Variants in PRKD1 observed in about 807,000 individuals in gnomAD.
The protein encoded by PRKD1 is protein kinase D1, also known as serine/threonine-protein kinase D1.
Under a neutral mutation model 95.9 loss-of-function variants are expected in PRKD1, and 63 were observed. That is an observed-to-expected ratio of 0.66 (90% CI 0.54 to 0.81). PRKD1 has a LOEUF of 0.81. PRKD1 is among the 30% of genes least tolerant of loss of function. The pLI is 0.00. For missense variants in PRKD1, 1,048 were observed against 1,165.3 expected, an observed-to-expected ratio of 0.90 and a Z score of 1.47; for synonymous variants, 425 against 423.1, an observed-to-expected ratio of 1.00 and a Z score of -0.05.
intron 1 of PRKD1, among the ~76,000 whole-genome samples, chr14:29,777,287 A>G (rs1040794538): frequency 1.1e-4 from 17 of 152,206 alleles, no homozygotes; most frequent in Non-Finnish European, 2.9e-5. Flanking sequence ...AAATTCACAC[A>G]TAACAGTATT....
At chr14:29,672,976 T>C (rs1001263164) in intron 2 of PRKD1, among the ~76,000 whole-genome samples, 1 of 152,166 alleles carries the variant, frequency 6.6e-6, no homozygotes, top group African/African-American at 2.4e-5. Flanking sequence ...GCTAAAGCCT[T>C]GCTCAAGAAA....
At chr14:29,634,393 G>T in intron 8 of PRKD1, 25 bp downstream of exon 8, 3 of 1,613,762 alleles carry the variant, frequency 1.9e-6, no homozygotes, top group Non-Finnish European at 2.5e-6. Flanking sequence ...CAAGGCAAGA[G>T]AACATTGTTC....
At chr14:29,622,367 C>CCCTTCCTGCCTT (rs1879327305) in intron 13 of PRKD1, among the ~76,000 whole-genome samples, 1 of 144,866 alleles carries the variant, frequency 6.9e-6, no homozygotes, top group Non-Finnish European at 1.5e-5. Context: ...GTATTTTTCT[C>CCCTTCCTGCCTT]CCTTCCTTCC....
At chr14:29,806,211 A>C (rs2139230846) in intron 1 of PRKD1, among the ~76,000 whole-genome samples, 1 of 152,376 alleles carries the variant, frequency 6.6e-6, no homozygotes, top group African/African-American at 2.4e-5. Flanking sequence ...TATGCAATTT[A>C]CAGATTAACT....
intron 2 of PRKD1, among the ~76,000 whole-genome samples, chr14:29,689,325 G>A (rs977579440): frequency 3.3e-5 from 5 of 151,600 alleles, no homozygotes; most frequent in African/African-American, 1.2e-4. Flanking sequence ...CTCAAAAGAA[G>A]ACATTCAGGC....
chr14:29,591,663 G>A, intron 16 of PRKD1, among the ~76,000 whole-genome samples: 1 of 152,132 alleles, frequency 6.6e-6, no homozygotes, highest in East Asian at 1.9e-4. Flanking sequence ...TTATCAAAGA[G>A]GCTCTTTGGC....
chr14:29,799,576 A>C (rs1889945185), intron 1 of PRKD1, among the ~76,000 whole-genome samples: 1 of 152,234 alleles, frequency 6.6e-6, no homozygotes. Context: ...TTCAGAAGCC[A>C]AACACTGTCC....
At chr14:29,668,008 C>T (rs1478756471) in intron 2 of PRKD1, among the ~76,000 whole-genome samples, 5 of 151,284 alleles carry the variant, frequency 3.3e-5, no homozygotes, top group East Asian at 1.9e-4. Flanking sequence ...TGTTTAAATG[C>T]CATATTTCTA....
intron 2 of PRKD1, among the ~76,000 whole-genome samples, chr14:29,712,379 T>A (rs2139359375): frequency 6.6e-6 from 1 of 152,178 alleles, no homozygotes; most frequent in Middle Eastern, 3.4e-3. Context: ...CTCAAGAAAC[T>A]TCTGAGGAAA....
At chr14:29,807,743 CAG>C (rs1264641266) in intron 1 of PRKD1, among the ~76,000 whole-genome samples, 4 of 150,310 alleles carry the variant, frequency 2.7e-5, no homozygotes, top group Non-Finnish European at 5.9e-5. Context: ...TTTTTTGAGA[CAG>C]AGTCTTGCTC....
At chr14:29,902,662 A>G (rs1894357404) in intron 1 of PRKD1, among the ~76,000 whole-genome samples, 1 of 152,214 alleles carries the variant, frequency 6.6e-6, no homozygotes, top group African/African-American at 2.4e-5. Flanking sequence ...AAATAAGTCT[A>G]AGTAATTCAA....
chr14:29,700,984 GCGCGCA>G (rs1884808440), intron 2 of PRKD1, among the ~76,000 whole-genome samples: 1 of 52,930 alleles, frequency 1.9e-5, no homozygotes, highest in East Asian at 4.3e-4. Context: ...ATGCGCGCGC[GCGCGCA>G]CACACACACA....
At chr14:29,618,941 C>A (rs1879058524) in intron 13 of PRKD1, among the ~76,000 whole-genome samples, 2 of 152,146 alleles carry the variant, frequency 1.3e-5, no homozygotes, top group Non-Finnish European at 2.9e-5. Context: ...GCCCCATTGG[C>A]ATTTCAACCC....
intron 1 of PRKD1, among the ~76,000 whole-genome samples, chr14:29,883,659 G>C (rs987493221): frequency 6.6e-6 from 1 of 152,138 alleles, no homozygotes; most frequent in African/African-American, 2.4e-5. Context: ...AGTTATACTT[G>C]ATGGACATAT....
intron 13 of PRKD1, among the ~76,000 whole-genome samples, chr14:29,606,537 CT>C (rs1893709707): frequency 6.6e-6 from 1 of 152,086 alleles, no homozygotes; most frequent in African/African-American, 2.4e-5. Context: ...CTCTAGGAGA[CT>C]TGTATTTATT....
intron 1 of PRKD1, among the ~76,000 whole-genome samples, chr14:29,753,996 T>C (rs1195693027): frequency 6.6e-6 from 1 of 152,170 alleles, no homozygotes; most frequent in Non-Finnish European, 1.5e-5. Flanking sequence ...AATTAAATAG[T>C]GCTAGACTGT....
At chr14:29,596,391 T>G (rs1219761327) in intron 16 of PRKD1, among the ~76,000 whole-genome samples, 1 of 152,216 alleles carries the variant, frequency 6.6e-6, no homozygotes, top group Non-Finnish European at 1.5e-5. Flanking sequence ...AAAAAGTATG[T>G]TCAGACTACC....
intron 2 of PRKD1, among the ~76,000 whole-genome samples, chr14:29,685,987 C>T (rs11846405): frequency 0.52 from 78,908 of 152,008 alleles, 23,112 homozygotes; most frequent in African/African-American, 0.8. Flanking sequence ...TCTTCAAAAA[C>T]GCACATATAA....
intron 2 of PRKD1, among the ~76,000 whole-genome samples, chr14:29,685,608 T>C (rs1883812379): frequency 6.6e-6 from 1 of 152,202 alleles, no homozygotes; most frequent in Admixed American, 6.5e-5. Flanking sequence ...TTCTAACATA[T>C]TTTCCAGTAA....
Sources: gnomAD v4.1 joint callset for allele counts (sites outside exome capture counted in the v4.1 genomes callset) on GRCh38, gnomAD v4.1.1 for gene constraint, MANE v1.5 for transcripts, NCBI Gene and HGNC (gene_info 2026-07-23, HGNC 2026-07-21) for gene names.